ZFHX3: variants seen among roughly 807,000 people sequenced by gnomAD.
The protein encoded by ZFHX3 is zinc finger homeobox protein 3.
In ZFHX3, 42 loss-of-function variants were observed where a neutral mutation model predicts 279.1. That is an observed-to-expected ratio of 0.15 (90% CI 0.12 to 0.19). ZFHX3 has a LOEUF of 0.19. ZFHX3 is among the 10% of genes least tolerant of loss of function. The pLI is 1.00. For synonymous variants in ZFHX3, 2,293 were observed against 1,957.8 expected (o/e 1.17, Z -4.52); for missense variants, 4,981 against 4,754.0 (o/e 1.05, Z -1.40).
intron 4 of ZFHX3, among the ~76,000 whole-genome samples, chr16:73,297,169 G>A (rs577487865): frequency 1.3e-5 from 2 of 151,988 alleles, no homozygotes; most frequent in East Asian, 1.9e-4. Context: ...AAGCCACTGC[G>A]CCGAGCCAGC....
chr16:73,781,881 G>A (rs933037526), intron 1 of ZFHX3, among the ~76,000 whole-genome samples: 1 of 152,168 alleles, frequency 6.6e-6, no homozygotes, highest in African/African-American at 2.4e-5. Flanking sequence ...CAGCTACTCA[G>A]GAGGTTGAGG....
At chr16:73,154,810 TA>T (rs35246463) in intron 5 of ZFHX3, among the ~76,000 whole-genome samples, 7,033 of 152,020 alleles carry the variant, frequency 0.046, 533 homozygotes, top group African/African-American at 0.16. Context: ...TGAAGGCCAT[TA>T]AAAAAATCAA....
chr16:73,518,140 A>T (rs1555521922), intron 2 of ZFHX3, among the ~76,000 whole-genome samples: 1 of 152,186 alleles, frequency 6.6e-6, no homozygotes, highest in Non-Finnish European at 1.5e-5. Context: ...CTCGTTAGCC[A>T]CAGAGACTAT....
intron 3 of ZFHX3, among the ~76,000 whole-genome samples, chr16:73,426,175 G>T (rs1460709596): frequency 1.3e-5 from 2 of 152,132 alleles, no homozygotes; most frequent in African/African-American, 4.8e-5. Context: ...GTGACAAATG[G>T]GCTCTCTGTG....
At chr16:73,714,480 C>A (rs113723291) in intron 1 of ZFHX3, among the ~76,000 whole-genome samples, 3,449 of 152,264 alleles carry the variant, frequency 0.023, 46 homozygotes, top group East Asian at 0.033. Context: ...ATTCCACTAG[C>A]TTTATGTCTT....
intron 5 of ZFHX3, among the ~76,000 whole-genome samples, chr16:73,151,976 G>A (rs1393997805): frequency 1.3e-5 from 2 of 151,232 alleles, no homozygotes; most frequent in Non-Finnish European, 2.9e-5. Context: ...AAGAGAGCTG[G>A]GAAGGGGGTT....
intron 4 of ZFHX3, among the ~76,000 whole-genome samples, chr16:72,846,200 C>T (rs979648586): frequency 9.2e-5 from 14 of 152,230 alleles, no homozygotes; most frequent in Admixed American, 7.8e-4. Context: ...TAAGGGTCAA[C>T]GATAAAGTAG....
chr16:73,193,544 T>C (rs944798288), intron 5 of ZFHX3, among the ~76,000 whole-genome samples: 1 of 152,194 alleles, frequency 6.6e-6, no homozygotes, highest in South Asian at 2.1e-4. Flanking sequence ...GGGTAAGGAC[T>C]GGAGTGAAGC....
intron 3 of ZFHX3, among the ~76,000 whole-genome samples, chr16:73,434,696 A>T (rs2017967303): frequency 1.3e-5 from 2 of 152,116 alleles, no homozygotes; most frequent in Non-Finnish European, 2.9e-5. Flanking sequence ...GTTGATCTCA[A>T]GATGTGGAAC....
At chr16:73,471,640 T>C (rs1381124425) in intron 2 of ZFHX3, among the ~76,000 whole-genome samples, 1 of 152,088 alleles carries the variant, frequency 6.6e-6, no homozygotes, top group African/African-American at 2.4e-5. Context: ...TCCAACTGAC[T>C]TGGGTGAGAG....
At chr16:73,688,776 GA>G (rs560500696) in intron 1 of ZFHX3, among the ~76,000 whole-genome samples, 74 of 152,310 alleles carry the variant, frequency 4.9e-4, no homozygotes, top group African/African-American at 1.7e-3. Context: ...CCAGGTGGGA[GA>G]TAATTGAATC....
At chr16:73,802,576 G>C (rs1309637340) in intron 1 of ZFHX3, among the ~76,000 whole-genome samples, 1 of 152,182 alleles carries the variant, frequency 6.6e-6, no homozygotes, top group South Asian at 2.1e-4. Flanking sequence ...AGAAAGGACA[G>C]ACTAATACAG....
intron 5 of ZFHX3, among the ~76,000 whole-genome samples, chr16:73,220,620 T>C (rs1272123485): frequency 1.3e-5 from 2 of 152,174 alleles, no homozygotes; most frequent in Non-Finnish European, 2.9e-5. Flanking sequence ...CATGCTGCTA[T>C]GTTCATTGCA....
chr16:73,596,200 T>C (rs1376227837), intron 2 of ZFHX3, among the ~76,000 whole-genome samples: 2 of 151,922 alleles, frequency 1.3e-5, no homozygotes. Flanking sequence ...TTTTCGTATT[T>C]TTAGTAGAGA....
At chr16:73,512,253 C>G (rs1394602040) in intron 2 of ZFHX3, among the ~76,000 whole-genome samples, 1 of 130,758 alleles carries the variant, frequency 7.6e-6, no homozygotes, top group African/African-American at 3.1e-5. Context: ...CATGGTGAAA[C>G]CCTGTCTCCA....
chr16:73,346,537 T>C (rs2016126969), intron 3 of ZFHX3, among the ~76,000 whole-genome samples: 1 of 152,120 alleles, frequency 6.6e-6, no homozygotes, highest in South Asian at 2.1e-4. Flanking sequence ...AGAGGTGCGA[T>C]CTCGGCTCAC....
At chr16:73,435,471 A>C (rs2017981209) in intron 3 of ZFHX3, among the ~76,000 whole-genome samples, 1 of 152,134 alleles carries the variant, frequency 6.6e-6, no homozygotes, top group African/African-American at 2.4e-5. Flanking sequence ...CGGCCTCCCA[A>C]AGTGCTGGGA....
At chr16:73,822,087 C>T (rs1002075752) in intron 1 of ZFHX3, among the ~76,000 whole-genome samples, 1 of 152,194 alleles carries the variant, frequency 6.6e-6, no homozygotes, top group Non-Finnish European at 1.5e-5. Flanking sequence ...AAGACATCTC[C>T]CCTGGCATCA....
chr16:73,688,060 A>G (rs1467812885), intron 1 of ZFHX3, among the ~76,000 whole-genome samples: 1 of 151,774 alleles, frequency 6.6e-6, no homozygotes, highest in South Asian at 2.1e-4. Flanking sequence ...TGTCTCCCCA[A>G]AATTCACATC....
Sources: gnomAD v4.1 joint callset for allele counts (sites outside exome capture counted in the v4.1 genomes callset) on GRCh38, gnomAD v4.1.1 for gene constraint, MANE v1.5 for transcripts, NCBI Gene and HGNC (gene_info 2026-07-23, HGNC 2026-07-21) for gene names.